The following ADGRL2 variants were observed in gnomAD, a reference collection of about 807,000 sequenced individuals.
ADGRL2 encodes the protein calcium-independent alpha-latrotoxin receptor 2.
A neutral mutation model predicts 157.4 loss-of-function variants in ADGRL2; 44 were observed. The observed-to-expected ratio is 0.28, with a 90% CI of 0.22 to 0.36. The LOEUF is 0.36. Among genes scored for constraint, ADGRL2 ranks in the 10% least tolerant of loss-of-function variants. ADGRL2 has a pLI of 1.00. For synonymous variants in ADGRL2, 585 were observed against 624.7 expected, an observed-to-expected ratio of 0.94 and a Z score of 0.95; for missense variants, 1,510 against 1,768.9, an observed-to-expected ratio of 0.85 and a Z score of 2.63.
rs1553155551 is a variant in ADGRL2, at chr1:81,344,682, A to AAAT, written c.-302+38175_-302+38176insTAA. Among the ~76,000 whole-genome samples the AAAT allele has an allele frequency of 3.3e-3, 486 of 147,208 alleles. 4 individuals carry two copies. Among genetic ancestry groups the AAAT allele is most frequent in the Non-Finnish European group, 4.1e-3 (272 of 66,914 alleles). On this transcript the variant is annotated intron_variant, in intron 1 of 24. Transcript: ENST00000370721. ...ACTCTGTCTCAAAAAAAAAAAAAAA[A>AAAT]AAAAAAAAGCAGATTATATTTAAAA...
chr1:81,439,464 T>G (rs2077467951), intron 1 of ADGRL2, among the ~76,000 whole-genome samples: 3 of 152,186 alleles, frequency 2.0e-5, no homozygotes, highest in Admixed American at 2.0e-4. Flanking sequence ...TCTCAGCCCC[T>G]TCACTGGACT....
intron 1 of ADGRL2, among the ~76,000 whole-genome samples, chr1:81,744,250 T>C (rs538938152): frequency 2.4e-4 from 36 of 152,288 alleles, no homozygotes; most frequent in Admixed American, 4.6e-4. Context: ...ATATTGAGCA[T>C]GTTTGGCAGT....
chr1:81,720,356 G>A (rs2084265852), intron 1 of ADGRL2, among the ~76,000 whole-genome samples: 1 of 151,868 alleles, frequency 6.6e-6, no homozygotes, highest in African/African-American at 2.4e-5. Context: ...TTTTAGTAGT[G>A]ACGGGGTTTC....
At chr1:81,873,958 G>A (rs1008833951) in intron 2 of ADGRL2, among the ~76,000 whole-genome samples, 9 of 152,040 alleles carry the variant, frequency 5.9e-5, no homozygotes, top group African/African-American at 1.9e-4. Context: ...TAAAAAAGAT[G>A]GAGTGTGATA....
chr1:81,347,441 G>A (rs887501987), intron 1 of ADGRL2, among the ~76,000 whole-genome samples: 1 of 152,002 alleles, frequency 6.6e-6, no homozygotes, highest in African/African-American at 2.4e-5. Flanking sequence ...AGAAATGAGG[G>A]ACAGTTTATT....
chr1:81,848,134 A>G (rs1199190228), intron 2 of ADGRL2, among the ~76,000 whole-genome samples: 5 of 151,780 alleles, frequency 3.3e-5, no homozygotes, highest in Admixed American at 3.3e-4. Context: ...GCAAAGATAT[A>G]GGGTACTGAT....
At chr1:81,795,532 T>C (rs1224279140), upstream of ADGRL2, among the ~76,000 whole-genome samples, 1 of 152,164 alleles carries the variant, frequency 6.6e-6, no homozygotes, top group Non-Finnish European at 1.5e-5. Flanking sequence ...CTTGAAACAA[T>C]ATGGAAACAT....
At position 81,831,743 on chromosome 1, in the gene ADGRL2, C is replaced by T. The variant is rs76000340; in HGVS notation, c.-100-5142C>T. ...AGGCAGTTACAGGTTTTTACTAGGA[C>T]GAGTTATTTTTAAAGTACAGTGTAA... On this transcript the variant is annotated intron_variant, in intron 1 of 23. Coordinates refer to ENST00000686636, the MANE Select transcript of ADGRL2 (RefSeq NM_001366006.2). Among the ~76,000 whole-genome samples, 793 of 152,048 alleles carry T rather than the reference C, an allele frequency of 5.2e-3. 2 individuals are homozygous for T. Among genetic ancestry groups the T allele is most frequent in the African/African-American group, 0.018 (737 of 41,466 alleles).
chr1:81,860,579 T>C (rs554805900), intron 2 of ADGRL2, among the ~76,000 whole-genome samples: 19 of 152,256 alleles, frequency 1.2e-4, no homozygotes, highest in Admixed American at 1.2e-3. Flanking sequence ...TCTCTGTTCA[T>C]TGGAAAAATA....
intron 1 of ADGRL2, among the ~76,000 whole-genome samples, chr1:81,322,176 A>G (rs1164776590): frequency 6.7e-6 from 1 of 149,488 alleles, no homozygotes; most frequent in Non-Finnish European, 1.5e-5. Flanking sequence ...ATGTACATGT[A>G]TATACATATA....
chr1:81,344,666 C>CAAAAA (rs71592731), intron 1 of ADGRL2, among the ~76,000 whole-genome samples: 7 of 55,976 alleles, frequency 1.3e-4, no homozygotes, highest in East Asian at 6.2e-4. Flanking sequence ...AACTCTGTCT[C>CAAAAA]AAAAAAAAAA....
intron 1 of ADGRL2, among the ~76,000 whole-genome samples, chr1:81,418,625 G>A (rs995590439): frequency 6.6e-6 from 1 of 151,996 alleles, no homozygotes; most frequent in Non-Finnish European, 1.5e-5. Flanking sequence ...GTGGTGGCAG[G>A]CGCCTGCAGT....
At chr1:81,962,966 T>C (rs938439640) in intron 11 of ADGRL2, among the ~76,000 whole-genome samples, 2 of 152,090 alleles carry the variant, frequency 1.3e-5, no homozygotes, top group Non-Finnish European at 1.5e-5. Flanking sequence ...AAAAATCTTG[T>C]TGGAATTTTT....
At chr1:81,337,685 T>C (rs1330925927) in intron 1 of ADGRL2, among the ~76,000 whole-genome samples, 1 of 152,218 alleles carries the variant, frequency 6.6e-6, no homozygotes, top group African/African-American at 2.4e-5. Flanking sequence ...ATCTACATTT[T>C]TTGAAGACCT....
intron 2 of ADGRL2, among the ~76,000 whole-genome samples, chr1:81,458,683 C>T (rs536148098): frequency 6.6e-6 from 1 of 152,240 alleles, no homozygotes; most frequent in African/African-American, 2.4e-5. Flanking sequence ...TGTTGGGCAC[C>T]AGTGTTTAGA....
In ADGRL2 at chr1:81,969,395, C is replaced by A. The variant is rs147638391; in HGVS notation, c.2733+8C>A. On this transcript the variant is annotated splice_region_variant and intron_variant, in intron 15 of 23. Transcript: ENST00000686636. ...GATAAGACAAAATATGCGGTAAGCA[C>A]CAGTTGAGTTCATTGACCTTAGATC... 1 of 1,592,860 alleles carries A rather than the reference C, an allele frequency of 6.3e-7. No individual in the cohort carries two copies. The highest frequency in any genetic ancestry group is 1.3e-5 in the African/African-American group (1 of 74,540).
chr1:81,418,615 G>A (rs1037968607), intron 1 of ADGRL2, among the ~76,000 whole-genome samples: 11 of 152,004 alleles, frequency 7.2e-5, no homozygotes, highest in Admixed American at 3.3e-4. Flanking sequence ...ATACCCAGGC[G>A]TGGTGGCAGG....
chr1:81,476,191 A>C (rs1571078811), intron 2 of ADGRL2, among the ~76,000 whole-genome samples: 1 of 152,174 alleles, frequency 6.6e-6, no homozygotes, highest in South Asian at 2.1e-4. Context: ...GAAAAAAAGG[A>C]AAGAAAGGGA....
At chr1:81,458,151 T>C (rs763198524) in intron 2 of ADGRL2, among the ~76,000 whole-genome samples, 1 of 152,170 alleles carries the variant, frequency 6.6e-6, no homozygotes, top group Non-Finnish European at 1.5e-5. Context: ...ACATAGACTG[T>C]TCTGTTTGGC....
Sources: gnomAD v4.1 joint callset for allele counts (sites outside exome capture counted in the v4.1 genomes callset) on GRCh38, gnomAD v4.1.1 for gene constraint, MANE v1.5 for transcripts, NCBI Gene and HGNC (gene_info 2026-07-23, HGNC 2026-07-21) for gene names.